LDB2: variants seen among roughly 807,000 people sequenced by gnomAD.
LDB2 encodes LIM domain-binding protein 2.
Under a neutral mutation model 44.3 loss-of-function variants are expected in LDB2, and 12 were observed. That is an observed-to-expected ratio of 0.27 (90% CI 0.17 to 0.44). The LOEUF is 0.44. Among genes scored for constraint, LDB2 ranks in the 20% least tolerant of loss-of-function variants. LDB2 has a pLI of 1.00. For synonymous variants in LDB2, 164 were observed against 174.8 expected (o/e 0.94, Z 0.49); for missense variants, 344 against 473.5 (o/e 0.73, Z 2.54).
intron 5 of LDB2, among the ~76,000 whole-genome samples, chr4:16,522,276 T>G (rs62296894): frequency 2.0e-5 from 3 of 150,234 alleles, no homozygotes; most frequent in South Asian, 2.1e-4. Flanking sequence ...GTGTGTGTGT[T>G]TGTGTGTGTG....
chr4:16,518,424 T>C (rs1724666125), intron 5 of LDB2, among the ~76,000 whole-genome samples: 1 of 148,366 alleles, frequency 6.7e-6, no homozygotes, highest in African/African-American at 2.6e-5. Context: ...CTCTACTCTT[T>C]GTATGTAGGT....
At chr4:16,638,929 G>T (rs1278616820) in intron 2 of LDB2, among the ~76,000 whole-genome samples, 1 of 152,104 alleles carries the variant, frequency 6.6e-6, no homozygotes, top group South Asian at 2.1e-4. Context: ...CTTTTTTAAT[G>T]CTCTGTTAAA....
At chr4:16,695,861 T>C (rs903742895) in intron 2 of LDB2, among the ~76,000 whole-genome samples, 2 of 152,204 alleles carry the variant, frequency 1.3e-5, no homozygotes, top group Admixed American at 1.3e-4. Context: ...GTAAACATCA[T>C]TCTTAGCCTG....
intron 5 of LDB2, among the ~76,000 whole-genome samples, chr4:16,530,619 G>A (rs911530816): frequency 2.0e-5 from 3 of 152,120 alleles, no homozygotes; most frequent in African/African-American, 2.4e-5. Flanking sequence ...CATAAAATAA[G>A]GGTTAACATA....
At chr4:16,785,705 C>T (rs1428648361) in intron 1 of LDB2, among the ~76,000 whole-genome samples, 4 of 152,300 alleles carry the variant, frequency 2.6e-5, no homozygotes, top group Non-Finnish European at 4.4e-5. Flanking sequence ...GGCAGGCTCA[C>T]ACTCCTAAGT....
At chr4:16,531,752 G>A (rs1730226611) in intron 5 of LDB2, among the ~76,000 whole-genome samples, 1 of 152,176 alleles carries the variant, frequency 6.6e-6, no homozygotes, top group Non-Finnish European at 1.5e-5. Context: ...TAAATAGATA[G>A]ATAGACACCT....
intron 2 of LDB2, among the ~76,000 whole-genome samples, chr4:16,650,217 G>T (rs910146462): frequency 1.3e-5 from 2 of 152,174 alleles, no homozygotes; most frequent in Non-Finnish European, 2.9e-5. Flanking sequence ...TTTCCCAACT[G>T]TAAAATGGAG....
chr4:16,517,095 GGA>G (rs1724033825), intron 5 of LDB2, among the ~76,000 whole-genome samples: 1 of 152,186 alleles, frequency 6.6e-6, no homozygotes, highest in Admixed American at 6.5e-5. Context: ...GCAGGTTTGG[GGA>G]GTGGGTTCCC....
intron 2 of LDB2, among the ~76,000 whole-genome samples, chr4:16,725,271 C>T (rs1026809402): frequency 9.9e-5 from 15 of 151,990 alleles, no homozygotes; most frequent in African/African-American, 1.9e-4. Flanking sequence ...CGCACACACA[C>T]GCACATATAT....
intron 1 of LDB2, among the ~76,000 whole-genome samples, chr4:16,896,538 G>A (rs1725069304): frequency 6.6e-6 from 1 of 152,124 alleles, no homozygotes. Flanking sequence ...GTTCCTAACT[G>A]CAGGAGGATG....
At chr4:16,765,383 T>TA (rs765548286) in intron 1 of LDB2, among the ~76,000 whole-genome samples, 1 of 152,208 alleles carries the variant, frequency 6.6e-6, no homozygotes, top group Non-Finnish European at 1.5e-5. Flanking sequence ...TCTTTTGACC[T>TA]ACAATGTCCA....
rs775405934 is a variant in LDB2 at position 16,642,796 on chromosome 4, A to G, written c.236-46921T>C. Among the ~76,000 whole-genome samples the G allele has an allele frequency of 5.3e-5, 8 of 152,300 alleles. No homozygotes were observed. In the East Asian group the frequency reaches 5.8e-4, roughly 11 times the overall value. On this transcript the variant is annotated intron_variant, in intron 2 of 7. Transcript: ENST00000304523. ...ATCTCTGCCTGCTTGATAGATGACC[A>G]CGGGTAACTGCCACCCTCAGCAGTG... is the stretch of plus-strand genomic sequence containing the variant.
At chr4:16,600,758 G>C (rs534353919) in intron 2 of LDB2, among the ~76,000 whole-genome samples, 1 of 152,158 alleles carries the variant, frequency 6.6e-6, no homozygotes, top group East Asian at 1.9e-4. Flanking sequence ...TGACGGTGTG[G>C]TGGAGGCAGG....
In LDB2 at chr4:16,846,545, G is replaced by T. The variant is rs190081385; in HGVS notation, c.132+51809C>A. ...AAATCAGACTTTTGAAGGATGTTTT[G>T]TTACCTTCTGTAGTAGTTTGAGAGA... On this transcript the variant is annotated intron_variant, in intron 1 of 7. Transcript: ENST00000304523. 4.7e-4 allele frequency among the ~76,000 whole-genome samples: 72 copies of T among 152,224 alleles called. 2 individuals carry two copies. The highest frequency in any genetic ancestry group is 3.5e-4 in the Non-Finnish European group (24 of 68,000).
At position 16,639,649 on chromosome 4, in the gene LDB2, C is replaced by T. The variant is rs190200523; in HGVS notation, c.236-43774G>A. Among the ~76,000 whole-genome samples, 173 of 152,244 alleles carry T rather than the reference C, an allele frequency of 1.1e-3. 1 individual carries two copies. The highest frequency in any genetic ancestry group is 6.8e-3 in the Middle Eastern group (2 of 294). On this transcript the variant is annotated intron_variant, in intron 2 of 7. Coordinates refer to ENST00000304523, the MANE Select transcript of LDB2 (RefSeq NM_001290.5). Reference sequence around the variant, plus strand: ...GCTAATTTTGTATTTTTAGTAGAGACGGGATTTCATTGTTTGGTCAGGCTG... The same window carrying T: ...GCTAATTTTGTATTTTTAGTAGAGATGGGATTTCATTGTTTGGTCAGGCTG...
rs569915487 is a variant in LDB2 at position 16,606,910 on chromosome 4, C to T, written c.236-11035G>A. ...ATTCATCTGGGTTAGAGAAATGTTGCCAGAGAAACAGACATATGTGTGTAA... is the reference window on the plus strand; with the variant it reads ...ATTCATCTGGGTTAGAGAAATGTTGTCAGAGAAACAGACATATGTGTGTAA... On this transcript the variant is annotated intron_variant, in intron 2 of 7. Coordinates refer to ENST00000304523, the MANE Select transcript of LDB2 (RefSeq NM_001290.5). Among the ~76,000 whole-genome samples the T allele has an allele frequency of 2.0e-5, 3 of 152,220 alleles. No homozygotes were observed. The South Asian group carries it at 6.2e-4, about 32-fold the overall frequency.
intron 2 of LDB2, among the ~76,000 whole-genome samples, chr4:16,718,920 C>T (rs954287152): frequency 6.6e-6 from 1 of 152,020 alleles, no homozygotes; most frequent in African/African-American, 2.4e-5. Context: ...CTATTTTCCC[C>T]AGTGACATTT....
chr4:16,722,709 G>A (rs1460592550), intron 2 of LDB2, among the ~76,000 whole-genome samples: 2 of 151,988 alleles, frequency 1.3e-5, no homozygotes, highest in Non-Finnish European at 2.9e-5. Flanking sequence ...CAGGACCATG[G>A]TTTGTTCATC....
At chr4:16,510,455 C>G (rs748460290) in intron 6 of LDB2, among the ~76,000 whole-genome samples, 3 of 152,288 alleles carry the variant, frequency 2.0e-5, no homozygotes, top group Non-Finnish European at 4.4e-5. Context: ...AGCAGATACT[C>G]AGGCCCACTC....
Sources: gnomAD v4.1 joint callset for allele counts (sites outside exome capture counted in the v4.1 genomes callset) on GRCh38, gnomAD v4.1.1 for gene constraint, MANE v1.5 for transcripts, NCBI Gene and HGNC (gene_info 2026-07-23, HGNC 2026-07-21) for gene names.